Variants in PCNT observed in about 807,000 individuals in gnomAD.
PCNT encodes pericentrin, also known as kendrin.
Under a neutral mutation model 380.4 loss-of-function variants are expected in PCNT, and 319 were observed. That is an observed-to-expected ratio of 0.84 (90% CI 0.77 to 0.92). The LOEUF is 0.92. Among genes scored for constraint, PCNT ranks in the 40% least tolerant of loss-of-function variants. The probability of loss-of-function intolerance (pLI) is 0.00; values close to 1 mark genes in which losing one functional copy is unlikely to be tolerated. For synonymous variants in PCNT, 1,845 were observed against 1,735.2 expected (o/e 1.06, Z -1.57); for missense variants, 4,400 against 4,255.3 (o/e 1.03, Z -0.95).
Position 46,355,505 on chromosome 21 carries a change from G to A in PCNT, c.1815G>A (p.Leu605=), listed in dbSNP as rs1283785265. The A allele has an allele frequency of 6.2e-7, 1 of 1,613,952 alleles. No individual in the cohort carries two copies. The highest frequency in any genetic ancestry group is 2.2e-5 in the East Asian group (1 of 44,886). ...TAGAAGAAAGCCACAGGCACCAGCT[G>A]GAAGCGCTGGAGTCTCCCCTCTGCA... The part of the protein sequence containing the change: ...AELEESHRHQ[L]EALESPLCIQ... Residue 605 remains leucine (L), a synonymous_variant, in exon 12 of 47, where the codon CTG becomes CTA. Transcript: ENST00000359568.
At chr21:46,442,097 A>G (rs778226374) in intron 43 of PCNT, among the ~76,000 whole-genome samples, 4 of 152,152 alleles carry the variant, frequency 2.6e-5, no homozygotes, top group Admixed American at 1.3e-4. Flanking sequence ...GTCCAGTGGC[A>G]TCTGTGACAG....
intron 13 of PCNT, among the ~76,000 whole-genome samples, chr21:46,359,687 T>C (rs9981379): frequency 7.0e-5 from 8 of 114,662 alleles, no homozygotes; most frequent in Admixed American, 8.3e-5. Flanking sequence ...CGGGGTTTCA[T>C]TATGTTGGCC....
At chr21:46,407,821 A>G (rs1219767443) in intron 27 of PCNT, among the ~76,000 whole-genome samples, 1 of 152,104 alleles carries the variant, frequency 6.6e-6, no homozygotes, top group East Asian at 1.9e-4. Context: ...AGTGTTTTCA[A>G]AGAATCAGCT....
intron 24 of PCNT, among the ~76,000 whole-genome samples, chr21:46,398,469 A>G (rs2086283578): frequency 6.6e-6 from 1 of 152,242 alleles, no homozygotes; most frequent in Admixed American, 6.5e-5. Flanking sequence ...TAAGACTCGG[A>G]TCCCTCGTGC....
At chr21:46,324,668 C>G (rs2083302722) in intron 1 of PCNT, among the ~76,000 whole-genome samples, 1 of 151,664 alleles carries the variant, frequency 6.6e-6, no homozygotes, top group Non-Finnish European at 1.5e-5. Context: ...GGGTGGGGCG[C>G]GGCAGGCGCT....
Position 46,355,475 on chromosome 21 carries a change from G to A in PCNT, c.1785G>A (p.Ala595=), listed in dbSNP as rs887014065. ...AGGAGAGCCTGCCACGCTTCCAGGC[G>A]GAGTTAGAAGAAAGCCACAGGCACC... ...RHKESLPRFQ[A]ELEESHRHQL... is the part of the protein sequence containing the mutation. The change falls in exon 12 of 47, where the codon GCG becomes GCA. Residue 595 remains alanine (A), a synonymous_variant. Transcript: ENST00000359568. 3.7e-6 allele frequency: 6 copies of A among 1,613,988 alleles called. No homozygotes were observed. The highest frequency in any genetic ancestry group is 3.3e-4 in the Middle Eastern group (2 of 6,062).
At position 46,391,302 on chromosome 21, in the gene PCNT, C is replaced by T. The variant is rs114383833; in HGVS notation, c.4142C>T (p.Ala1381Val). Residue 1381 changes from alanine to valine, a missense_variant, in exon 21 of 47, where the codon GCG (alanine) becomes GTG (valine). By Grantham distance (64) the Ala-to-Val change is moderately conservative (BLOSUM62 0). Coordinates refer to ENST00000359568, the MANE Select transcript of PCNT (RefSeq NM_006031.6). ...CAGCAGGCGGCCCAGGAGCAGGCGG[C>T]GCTGAGGGAGGAGTGCACCCGTCTG... ...QLQQAAQEQA[A>V]LREECTRLWS... 4.1e-4 allele frequency: 649 copies of T among 1,572,240 alleles called. 2 individuals carry two copies. In the African/African-American group the frequency reaches 7.4e-3, roughly 18 times the overall value.
At chr21:46,329,317 G>A (rs545596916) in intron 2 of PCNT, among the ~76,000 whole-genome samples, 2 of 152,296 alleles carry the variant, frequency 1.3e-5, no homozygotes, top group South Asian at 4.1e-4. Flanking sequence ...TCAGGAAGAT[G>A]ATCTGATGAA....
In PCNT at chr21:46,356,970, A is replaced by G. The variant is rs769420535; in HGVS notation, c.1937-4A>G. ...ACTGTCTTCCCTGCTCCTTTTCCAC[A>G]CAGAGCTTCCCTGGGTGCATCTCCA... On this transcript the variant is annotated splice_region_variant and splice_polypyrimidine_tract_variant and intron_variant, in intron 12 of 46. Coordinates refer to ENST00000359568, the MANE Select transcript of PCNT (RefSeq NM_006031.6). 7 of 1,613,440 alleles carry G rather than the reference A, an allele frequency of 4.3e-6. No homozygotes were observed. The South Asian group carries it at 6.6e-5, about 15-fold the overall frequency.
Position 46,416,714 on chromosome 21 carries a change from A to G in PCNT, c.6796A>G (p.Thr2266Ala), listed in dbSNP as rs1248283838. The G allele has an allele frequency of 6.3e-7, 1 of 1,577,194 alleles. No homozygotes were observed. The highest frequency in any genetic ancestry group is 8.6e-7 in the Non-Finnish European group (1 of 1,159,680). The part of the protein sequence containing the change: ...ADTSLGDRAD[T>A]SLPQTQGPGL... ...CACATCCCTGGGGGACAGGGCGGAC[A>G]CCTCGCTGCCACAGACCCAGGGGCC... The change falls in exon 30 of 47, where the codon ACC (threonine) becomes GCC (alanine). Residue 2266 changes from threonine (T) to alanine (A), a missense_variant. Thr to Ala is a moderately conservative substitution (Grantham distance 58). Coordinates refer to ENST00000359568, the MANE Select transcript of PCNT (RefSeq NM_006031.6).
chr21:46,367,211 C>A, intron 15 of PCNT, 72 bp downstream of exon 15: 1 of 1,326,594 alleles, frequency 7.5e-7, no homozygotes, highest in South Asian at 1.2e-5. Flanking sequence ...CACCGCGTGT[C>A]ACATGTCTGC....
chr21:46,342,371 T>C (rs2083932676), intron 3 of PCNT, among the ~76,000 whole-genome samples: 1 of 152,120 alleles, frequency 6.6e-6, no homozygotes, highest in Non-Finnish European at 1.5e-5. Context: ...CCTCCCAAAG[T>C]GCTGTGATTA....
At chr21:46,325,230 A>G (rs1186552226) in intron 1 of PCNT, 18 of 981,762 alleles carry the variant, frequency 1.8e-5, no homozygotes, top group Non-Finnish European at 2.2e-5. Flanking sequence ...GCTCCCCCCC[A>G]GGATGTTCTG....
Position 46,412,017 on chromosome 21 carries a change from G to A in PCNT, c.5944G>A (p.Val1982Met), listed in dbSNP as rs200402477. Residue 1982 changes from valine to methionine, a missense_variant, in exon 28 of 47, where the codon GTG (valine) becomes ATG (methionine). Coordinates refer to ENST00000359568, the MANE Select transcript of PCNT (RefSeq NM_006031.6). ...GGAKAQVTGD[V>M]EASHDAALEP... Reference sequence around the variant, plus strand: ...CGCCAAGGCCCAGGTCACCGGCGACGTGGAGGCCTCCCATGATGCTGCTTT... The same window carrying A: ...CGCCAAGGCCCAGGTCACCGGCGACATGGAGGCCTCCCATGATGCTGCTTT... 6.8e-6 allele frequency: 11 copies of A among 1,607,954 alleles called. No individual in the cohort carries two copies. Among genetic ancestry groups the A allele is most frequent in the African/African-American group, 2.7e-5 (2 of 75,036 alleles).
chr21:46,398,892 T>C (rs998685654), intron 24 of PCNT, among the ~76,000 whole-genome samples: 3 of 147,402 alleles, frequency 2.0e-5, no homozygotes, highest in Non-Finnish European at 4.5e-5. Context: ...CGATCTCAGC[T>C]CACTGCAAGC....
intron 15 of PCNT, among the ~76,000 whole-genome samples, chr21:46,378,681 G>A (rs28716675): frequency 0.13 from 19,445 of 152,020 alleles, 1,319 homozygotes; most frequent in South Asian, 0.21. Flanking sequence ...AACTGAAACC[G>A]CAGACAAAGG....
In PCNT at chr21:46,390,565, T is replaced by TGAC. The variant is rs3831446; in HGVS notation, c.3841-103_3841-101dup. The TGAC allele has an allele frequency of 0.21, 257,917 of 1,237,902 alleles. 29,567 individuals are homozygous for TGAC. The highest frequency in any genetic ancestry group is 0.43 in the East Asian group (18,509 of 42,676). The allele number at this position is 1,237,902 out of a possible 1,614,324, so 76.7% of individuals were successfully genotyped here. ...CCCTGGCCTGGCCCTGCCTGGGTGG[T>TGAC]GACGGCCTGAAGGGTCTGGGGGTAG... On this transcript the variant is annotated intron_variant, in intron 19 of 46. Coordinates refer to ENST00000359568, the MANE Select transcript of PCNT (RefSeq NM_006031.6).
At chr21:46,421,442 C>G (rs984134080) in intron 31 of PCNT, among the ~76,000 whole-genome samples, 10 of 143,426 alleles carry the variant, frequency 7.0e-5, no homozygotes, top group African/African-American at 3.0e-4. Flanking sequence ...CTGGGATGGA[C>G]CAGGGCCCTG....
At position 46,425,919 on chromosome 21, in the gene PCNT, C is replaced by A. The variant is rs368505053; in HGVS notation, c.7268C>A (p.Pro2423His). Residue 2423 changes from proline to histidine, a missense_variant, in exon 33 of 47, where the codon CCC becomes CAC. Transcript: ENST00000359568. The surrounding 1 kb of genome is among the most constrained non-coding windows in gnomAD (Gnocchi z 4.2). ...CCCCCAAGCGGCGAGCCACACCCACCCCGGAAGGAAGACGAGATACAGGAC... is the reference window on the plus strand; with the variant it reads ...CCCCCAAGCGGCGAGCCACACCCACACCGGAAGGAAGACGAGATACAGGAC... Reference protein sequence around the residue: ...LAPPSGEPHPPRKEDEIQDIS... With the variant: ...LAPPSGEPHPHRKEDEIQDIS... The A allele has an allele frequency of 1.2e-6, 2 of 1,613,930 alleles. No homozygotes were observed. Among genetic ancestry groups the A allele is most frequent in the African/African-American group, 1.3e-5 (1 of 74,908 alleles).
Sources: gnomAD v4.1 joint callset for allele counts (sites outside exome capture counted in the v4.1 genomes callset) on GRCh38, gnomAD v4.1.1 for gene constraint, Gnocchi (gnomAD v3.1) non-coding constraint, MANE v1.5 for transcripts, NCBI Gene and HGNC (gene_info 2026-07-23, HGNC 2026-07-21) for gene names.